Variants in CA10 observed in about 807,000 individuals in gnomAD.
CA10 encodes the protein carbonic anhydrase 10 (inactive), also known as carbonic anhydrase-related protein 10.
CA10 carries 14 observed loss-of-function variants against 44.2 expected under a neutral mutation model. The ratio of observed to expected loss-of-function variants is 0.32; its 90% CI spans 0.21 to 0.50. The LOEUF is 0.50. CA10 is among the 20% of genes least tolerant of loss of function. The pLI is 0.99. For missense variants in CA10, 350 were observed against 409.7 expected, an observed-to-expected ratio of 0.85 and a Z score of 1.26; for synonymous variants, 159 against 141.6, an observed-to-expected ratio of 1.12 and a Z score of -0.87.
chr17:52,143,129 G>C (rs752378684), intron 1 of CA10, among the ~76,000 whole-genome samples: 8 of 152,048 alleles, frequency 5.3e-5, no homozygotes, highest in Admixed American at 3.9e-4. Context: ...TTTAAATTTT[G>C]TTCAAATTTA....
intron 3 of CA10, among the ~76,000 whole-genome samples, chr17:51,895,153 G>A (rs141867875): frequency 5.3e-5 from 8 of 152,052 alleles, no homozygotes; most frequent in South Asian, 2.1e-4. Flanking sequence ...ACTTGCATGC[G>A]GATATGGAAA....
chr17:51,820,405 ACCCC>A (rs748623140), intron 3 of CA10, among the ~76,000 whole-genome samples: 1 of 39,170 alleles, frequency 2.6e-5, no homozygotes, highest in Non-Finnish European at 4.1e-5. Flanking sequence ...GGATTCCCCT[ACCCC>A]CCCCCCCCCG....
At chr17:51,741,306 C>T (rs745996773) in intron 4 of CA10, among the ~76,000 whole-genome samples, 1 of 152,190 alleles carries the variant, frequency 6.6e-6, no homozygotes, top group Non-Finnish European at 1.5e-5. Flanking sequence ...TCCTTTACCA[C>T]ATTTGGGATA....
chr17:51,647,074 C>G (rs2143260285), intron 6 of CA10, among the ~76,000 whole-genome samples: 1 of 152,066 alleles, frequency 6.6e-6, no homozygotes, highest in South Asian at 2.1e-4. Context: ...AGAGGGTGCT[C>G]CTGCTGTCTT....
rs557470138 is a variant in CA10 at position 51,900,517 on chromosome 17, A to C, written c.279+30473T>G. Among the ~76,000 whole-genome samples, 28 of 152,230 alleles carry C rather than the reference A, an allele frequency of 1.8e-4. 1 individual carries two copies. The South Asian group carries it at 5.8e-3, about 32-fold the overall frequency. On this transcript the variant is annotated intron_variant, in intron 3 of 8. Transcript: ENST00000451037. ...ATGACTATTTGTCTTGGGGATGGTC[A>C]TCTTGTATAGTATCTCACAGAGGTT...
intron 2 of CA10, among the ~76,000 whole-genome samples, chr17:52,030,655 G>T (rs1281556334): frequency 1.3e-5 from 2 of 152,134 alleles, no homozygotes; most frequent in South Asian, 4.1e-4. Context: ...TAGCATGTGG[G>T]TCTGAGTAAA....
chr17:51,790,012 C>A (rs1241504143), intron 3 of CA10, among the ~76,000 whole-genome samples: 1 of 152,196 alleles, frequency 6.6e-6, no homozygotes, highest in African/African-American at 2.4e-5. Flanking sequence ...GCAGCCAGCT[C>A]CAGCCTTGCT....
intron 3 of CA10, among the ~76,000 whole-genome samples, chr17:51,808,242 C>T (rs1907209677): frequency 2.0e-5 from 3 of 152,156 alleles, no homozygotes; most frequent in Non-Finnish European, 1.5e-5. Flanking sequence ...GTGTTAATTA[C>T]AGTCATCAAG....
At chr17:52,047,201 G>A (rs1042655223) in intron 2 of CA10, among the ~76,000 whole-genome samples, 1 of 151,906 alleles carries the variant, frequency 6.6e-6, no homozygotes, top group Non-Finnish European at 1.5e-5. Context: ...CATGCTAAGG[G>A]AAAGAAATGC....
At chr17:51,680,233 G>C (rs889941904) in intron 4 of CA10, among the ~76,000 whole-genome samples, 4 of 152,196 alleles carry the variant, frequency 2.6e-5, no homozygotes, top group Non-Finnish European at 5.9e-5. Flanking sequence ...CAGTGAGTAG[G>C]ATCTGAGTGG....
intron 2 of CA10, among the ~76,000 whole-genome samples, chr17:51,976,264 T>A (rs145735262): frequency 2.2e-3 from 330 of 152,282 alleles, no homozygotes; most frequent in African/African-American, 7.6e-3. Flanking sequence ...CAAAAGTCTG[T>A]AAGATATAGC....
At chr17:51,685,776 T>A (rs1238087692) in intron 4 of CA10, among the ~76,000 whole-genome samples, 1 of 152,144 alleles carries the variant, frequency 6.6e-6, no homozygotes, top group Non-Finnish European at 1.5e-5. Flanking sequence ...AAGAGGCTGG[T>A]CCCTGTTGTA....
chr17:52,076,672 A>T (rs895449057), intron 1 of CA10, among the ~76,000 whole-genome samples: 2 of 152,350 alleles, frequency 1.3e-5, no homozygotes, highest in Admixed American at 1.3e-4. Context: ...ACAGGATGGC[A>T]CATTTAAAAA....
rs572799291 is a variant in CA10, at chr17:51,839,172, A to G, written c.280-91354T>C. Among the ~76,000 whole-genome samples the G allele has an allele frequency of 9.1e-4, 139 of 152,242 alleles. 1 individual carries two copies. The highest frequency in any genetic ancestry group is 3.2e-3 in the African/African-American group (134 of 41,562). On this transcript the variant is annotated intron_variant, in intron 3 of 8. Transcript: ENST00000451037. ...CTTTGAACATATCCAGTGCTTCCCTACCATGTGCAGAATGTTGTGATTAAG... is the reference window on the plus strand; with the variant it reads ...CTTTGAACATATCCAGTGCTTCCCTGCCATGTGCAGAATGTTGTGATTAAG...
chr17:52,113,871 C>T (rs1988836774), intron 1 of CA10, among the ~76,000 whole-genome samples: 1 of 152,182 alleles, frequency 6.6e-6, no homozygotes, highest in African/African-American at 2.4e-5. Context: ...TTTCTAACAA[C>T]TTCAGCTGTA....
intron 3 of CA10, among the ~76,000 whole-genome samples, chr17:51,917,339 G>A (rs1198879432): frequency 1.3e-5 from 2 of 152,224 alleles, no homozygotes; most frequent in Non-Finnish European, 2.9e-5. Flanking sequence ...GAAGAGATGT[G>A]CCTTTCAGAA....
intron 3 of CA10, among the ~76,000 whole-genome samples, chr17:51,775,795 T>G (rs1905796023): frequency 1.3e-5 from 2 of 152,084 alleles, no homozygotes; most frequent in Admixed American, 6.6e-5. Context: ...GACTCAGGGA[T>G]TAGCAGGAAG....
At chr17:51,680,776 G>A (rs1229846334) in intron 4 of CA10, among the ~76,000 whole-genome samples, 2 of 152,116 alleles carry the variant, frequency 1.3e-5, no homozygotes, top group Admixed American at 1.3e-4. Context: ...ACTCTTCTGT[G>A]GTGTAGAATG....
At chr17:52,042,006 A>C (rs985109550) in intron 2 of CA10, among the ~76,000 whole-genome samples, 3 of 152,082 alleles carry the variant, frequency 2.0e-5, no homozygotes, top group Non-Finnish European at 2.9e-5. Context: ...ATCAATGGAC[A>C]CTTAGATTGT....
Sources: gnomAD v4.1 joint callset for allele counts (sites outside exome capture counted in the v4.1 genomes callset) on GRCh38, gnomAD v4.1.1 for gene constraint, MANE v1.5 for transcripts, NCBI Gene and HGNC (gene_info 2026-07-23, HGNC 2026-07-21) for gene names.